ITPRIP: variants seen among roughly 807,000 people sequenced by gnomAD.
ITPRIP encodes inositol 1,4,5-trisphosphate receptor-interacting protein.
Under a neutral mutation model 35.8 loss-of-function variants are expected in ITPRIP, and 32 were observed. The ratio of observed to expected loss-of-function variants is 0.89; its 90% CI spans 0.68 to 1.20. The LOEUF is 1.20. Ranked by LOEUF, ITPRIP falls within the 50% of genes most tolerant of loss-of-function variation. ITPRIP has a pLI of 0.00. For synonymous variants in ITPRIP, 358 were observed against 324.0 expected (o/e 1.11, Z -1.13); for missense variants, 653 against 735.6 (o/e 0.89, Z 1.30).
chr10:104,317,360 G>A (rs2013718408), intron 1 of ITPRIP, among the ~76,000 whole-genome samples: 1 of 152,112 alleles, frequency 6.6e-6, no homozygotes, highest in Non-Finnish European at 1.5e-5. Context: ...TATGATTCAC[G>A]GACCAGCAGC....
rs145807387 is a variant in ITPRIP, at chr10:104,333,126, T to G, written c.-14+5120A>C. Among the ~76,000 whole-genome samples the G allele has an allele frequency of 3.5e-3, 537 of 152,160 alleles. 3 individuals are homozygous for G. Among genetic ancestry groups the G allele is most frequent in the African/African-American group, 0.013 (524 of 41,504 alleles). ...CTCCAGCCTGCCCTTCCCCTAACCCTCCTTACAGATCCAGGCTGCAGGAGG... is the reference window on the plus strand; with the variant it reads ...CTCCAGCCTGCCCTTCCCCTAACCCGCCTTACAGATCCAGGCTGCAGGAGG... On this transcript the variant is annotated intron_variant, in intron 1 of 1. Transcript: ENST00000337478. This position sits in a 1 kb window ranked among gnomAD's most constrained non-coding sequence, Gnocchi z 4.1.
Position 104,318,703 on chromosome 10 carries a change from A to C in ITPRIP, c.-13-2639T>G, listed in dbSNP as rs572404484. Among the ~76,000 whole-genome samples the C allele has an allele frequency of 9.9e-5, 15 of 152,270 alleles. No individual in the cohort carries two copies. In the East Asian group the frequency reaches 2.9e-3, roughly 29 times the overall value. On this transcript the variant is annotated intron_variant, in intron 1 of 1. Transcript: ENST00000337478. ...TGTGTGCAAGAGGAAAAGAGGATAG[A>C]CTCGAGAGGAGACAAGACTGGGTCA... is the stretch of plus-strand genomic sequence containing the variant.
In ITPRIP at chr10:104,316,054, T is replaced by G. The variant is rs375997154; in HGVS notation, c.-3A>C. ...ACGCGGAAGAGCCCCATGGCCATGG[T>G]TGGAGCTTTCCTGGGAACAGAGAGA... is the stretch of plus-strand genomic sequence containing the variant. On this transcript the variant is annotated 5_prime_UTR_variant, in exon 2 of 2. Coordinates refer to ENST00000337478, the MANE Select transcript of ITPRIP (RefSeq NM_001272013.2). 9 of 1,563,068 alleles carry G rather than the reference T, an allele frequency of 5.8e-6. No individual in the cohort carries two copies. In the African/African-American group the frequency reaches 1.2e-4, roughly 21 times the overall value.
intron 1 of ITPRIP, 73 bp from the exon 2 acceptor site, chr10:104,316,137 C>T: frequency 7.8e-7 from 1 of 1,278,858 alleles, no homozygotes; most frequent in South Asian, 1.5e-5. Context: ...CCGCACCAAC[C>T]TCAGCCCCTC....
intron 1 of ITPRIP, among the ~76,000 whole-genome samples, chr10:104,324,560 A>G (rs1291468982): frequency 1.3e-5 from 2 of 152,026 alleles, no homozygotes; most frequent in African/African-American, 4.8e-5. Context: ...CCCCTCTCCC[A>G]CTGGGCAGGA....
intron 1 of ITPRIP, among the ~76,000 whole-genome samples, chr10:104,317,443 C>T (rs1055787490): frequency 6.6e-6 from 1 of 152,200 alleles, no homozygotes; most frequent in Admixed American, 6.5e-5. Context: ...TCGGAATCCA[C>T]ATTTTAATAC....
chr10:104,315,401 G>C lies in ITPRIP; in HGVS notation c.651C>G (p.Pro217=). 2 of 1,579,658 alleles carry C rather than the reference G, an allele frequency of 1.3e-6. No individual in the cohort carries two copies. The highest frequency in any genetic ancestry group is 1.7e-6 in the Non-Finnish European group (2 of 1,160,004). ...GCTCTGGGTGGAAGCGGTAGGGCTCGGGGGGTGTGAAGGGCACGAAAAGGT... is the reference window on the plus strand; with the variant it reads ...GCTCTGGGTGGAAGCGGTAGGGCTCCGGGGGTGTGAAGGGCACGAAAAGGT... The part of the protein sequence containing the change: ...LCHLFVPFTP[P]EPYRFHPELW... The change falls in exon 2 of 2, where the codon CCC becomes CCG. Residue 217 remains proline (P), a synonymous_variant. Transcript: ENST00000337478. The surrounding 1 kb of genome is among the most constrained non-coding windows in gnomAD (Gnocchi z 5.7).
Position 104,313,864 on chromosome 10 carries a change from C to G in ITPRIP, c.*544G>C, listed in dbSNP as rs1398407238. 4 of 985,648 alleles carry G rather than the reference C, an allele frequency of 4.1e-6. No individual in the cohort carries two copies. The African/African-American group carries it at 7.0e-5, about 17-fold the overall frequency. 61.1% of individuals were successfully genotyped at this position (985,648 alleles called of 1,614,324 possible). On this transcript the variant is annotated 3_prime_UTR_variant, in exon 2 of 2. Coordinates refer to ENST00000337478, the MANE Select transcript of ITPRIP (RefSeq NM_001272013.2). ...TCCAAATAGTATAAAAAAGTGGCAG[C>G]CATGGTGGGACCACTATTGTGCAGG...
At chr10:104,316,597 A>C (rs1318904104) in intron 1 of ITPRIP, among the ~76,000 whole-genome samples, 1 of 152,054 alleles carries the variant, frequency 6.6e-6, no homozygotes, top group African/African-American at 2.4e-5. Flanking sequence ...GGCTCTCGGG[A>C]AGGGAGCCCG....
intron 1 of ITPRIP, among the ~76,000 whole-genome samples, chr10:104,335,840 G>A (rs3740464): frequency 0.25 from 38,179 of 151,830 alleles, 4,975 homozygotes; most frequent in Middle Eastern, 0.3. Context: ...CTGTGCCTCA[G>A]TTTCCTCATC....
rs34699292 is a variant in ITPRIP at position 104,315,590 on chromosome 10, C to T, written c.462G>A (p.Thr154=). 2.0e-3 allele frequency: 3,230 copies of T among 1,613,692 alleles called. 65 individuals are homozygous for T. In the African/African-American group the frequency reaches 0.039, roughly 20 times the overall value. ...ACTCCCGGGTACGGGCTGCATCGGC[C>T]GTGGCCCCCCGGATGCAGCGCTCAT... The part of the protein sequence containing the change: ...HFYERCIRGA[T]ADAARTREFL... The change falls in exon 2 of 2, where the codon ACG becomes ACA. Residue 154 remains threonine (T), a synonymous_variant. Transcript: ENST00000337478. This position sits in a 1 kb window ranked among gnomAD's most constrained non-coding sequence, Gnocchi z 5.7.
rs534538823 is a variant in ITPRIP, at chr10:104,313,600, G to T, written c.*808C>A. 1.0e-6 allele frequency: 1 copy of T among 985,420 alleles called. No individual in the cohort carries two copies. Among genetic ancestry groups the T allele is most frequent in the Admixed American group, 6.1e-5 (1 of 16,272 alleles). The allele number at this position is 985,420 out of a possible 1,614,324, so 61.0% of individuals were successfully genotyped here. On this transcript the variant is annotated 3_prime_UTR_variant, in exon 2 of 2. Coordinates refer to ENST00000337478, the MANE Select transcript of ITPRIP (RefSeq NM_001272013.2). The stretch of plus-strand genomic sequence containing the variant: ...AGACCAGCTTTGGAGAGAATAAAGA[G>T]AGGTGGGGGGCTGCTGAGCTGGCAC...
intron 1 of ITPRIP, among the ~76,000 whole-genome samples, chr10:104,324,891 T>C (rs2013951275): frequency 6.6e-6 from 1 of 152,172 alleles, no homozygotes; most frequent in South Asian, 2.1e-4. Flanking sequence ...CATTTTTAAA[T>C]GTTAGCTGCT....
Position 104,315,902 on chromosome 10 carries a change from C to T in ITPRIP, c.150G>A (p.Leu50=), listed in dbSNP as rs750004669. The change falls in exon 2 of 2, where the codon CTG becomes CTA. Residue 50 remains leucine, a synonymous_variant. Transcript: ENST00000337478. The surrounding 1 kb of genome is among the most constrained non-coding windows in gnomAD (Gnocchi z 5.7). ...CCTCCTCCTCCAGGCGCAACTGCTC[C>T]AGCTGCAGCTTCTCCTGGTGCGCCT... The part of the protein sequence containing the change: ...KMQAHQEKLQ[L]EQLRLEEEVA... 6.2e-7 allele frequency: 1 copy of T among 1,614,000 alleles called. No homozygotes were observed. The highest frequency in any genetic ancestry group is 2.2e-5 in the East Asian group (1 of 44,872).
rs1175883933 is a variant in ITPRIP at position 104,315,403 on chromosome 10, G to T, written c.649C>A (p.Pro217Thr). The T allele has an allele frequency of 4.4e-6, 7 of 1,582,144 alleles. No homozygotes were observed. The highest frequency in any genetic ancestry group is 1.3e-5 in the African/African-American group (1 of 74,594). Residue 217 changes from proline to threonine, a missense_variant, in exon 2 of 2, where the codon CCC (proline) becomes ACC (threonine). Transcript: ENST00000337478. This position sits in a 1 kb window ranked among gnomAD's most constrained non-coding sequence, Gnocchi z 5.7. ...LCHLFVPFTP[P>T]EPYRFHPELW... ...TCTGGGTGGAAGCGGTAGGGCTCGG[G>T]GGGTGTGAAGGGCACGAAAAGGTGG...
rs981982208 is a variant in ITPRIP at position 104,309,853 on chromosome 10, G to A, written c.*4555C>T. On this transcript the variant is annotated 3_prime_UTR_variant, in exon 2 of 2. Transcript: ENST00000337478. ...GGACTAAGAAGTCAGAAGTGGGACCGTTAGTCTGTTACTTAATTTTCCTGT... is the reference window on the plus strand; with the variant it reads ...GGACTAAGAAGTCAGAAGTGGGACCATTAGTCTGTTACTTAATTTTCCTGT... 1 of 152,162 alleles carries A rather than the reference G, an allele frequency of 6.6e-6. No individual in the cohort carries two copies. Among genetic ancestry groups the A allele is most frequent in the Non-Finnish European group, 1.5e-5 (1 of 68,016 alleles). The allele number at this position is 152,162 out of a possible 1,614,324, so 9.4% of individuals were successfully genotyped here.
At chr10:104,322,852 C>T (rs1203908595) in intron 1 of ITPRIP, among the ~76,000 whole-genome samples, 1 of 152,116 alleles carries the variant, frequency 6.6e-6, no homozygotes, top group African/African-American at 2.4e-5. Flanking sequence ...GACTTGGGTC[C>T]CTTTCACTAG....
At chr10:104,330,667 G>A (rs934969330) in intron 1 of ITPRIP, among the ~76,000 whole-genome samples, 1 of 152,184 alleles carries the variant, frequency 6.6e-6, no homozygotes, top group African/African-American at 2.4e-5. Context: ...ACACACCATG[G>A]GAGGGTTTAA....
chr10:104,322,930 C>T (rs2013892174), intron 1 of ITPRIP, among the ~76,000 whole-genome samples: 1 of 152,210 alleles, frequency 6.6e-6, no homozygotes. Context: ...GGCTGAACTC[C>T]TTCTGTATCC....
Sources: allele counts gnomAD v4.1 joint callset (sites outside exome capture counted in the v4.1 genomes callset), GRCh38; gene constraint gnomAD v4.1.1; non-coding constraint Gnocchi (gnomAD v3.1); transcripts MANE v1.5; gene names NCBI Gene and HGNC (gene_info 2026-07-23, HGNC 2026-07-21).